The following TBCK variants were observed in gnomAD, a reference collection of about 807,000 sequenced individuals.
TBCK encodes TBC domain-containing protein kinase-like protein.
In TBCK, 99 loss-of-function variants were observed where a neutral mutation model predicts 113.4. That is an observed-to-expected ratio of 0.87 (90% confidence interval 0.74 to 1.03). The LOEUF is 1.03. Among genes scored for constraint, TBCK ranks in the 50% least tolerant of loss-of-function variants. The pLI, the probability that TBCK is intolerant of heterozygous loss-of-function variation, is 0.00. For missense variants in TBCK, 1,045 were observed against 1,061.3 expected (o/e 0.98, Z 0.21); for synonymous variants, 369 against 370.8 (o/e 1.00, Z 0.05).
chr4:106,142,806 A>T, intron 23 of TBCK, among the ~76,000 whole-genome samples: 1 of 152,178 alleles, frequency 6.6e-6, no homozygotes, highest in East Asian at 1.9e-4. Context: ...TATTCTATAG[A>T]CTTTCTGGTG....
intron 23 of TBCK, among the ~76,000 whole-genome samples, chr4:106,124,008 A>T (rs532500375): frequency 6.6e-6 from 1 of 151,436 alleles, no homozygotes; most frequent in Non-Finnish European, 1.5e-5. Context: ...AACGGGATCT[A>T]ATTAAACTAA....
At chr4:106,083,983 A>T (rs903053564) in intron 25 of TBCK, among the ~76,000 whole-genome samples, 5 of 152,258 alleles carry the variant, frequency 3.3e-5, no homozygotes, top group Non-Finnish European at 5.9e-5. Context: ...AAGATGGGAA[A>T]GAATCAACAA....
At chr4:106,252,443 A>C (rs930882563) in intron 5 of TBCK, among the ~76,000 whole-genome samples, 1 of 152,092 alleles carries the variant, frequency 6.6e-6, no homozygotes, top group Non-Finnish European at 1.5e-5. Context: ...TAAAACTCCT[A>C]TCTCTACACC....
At chr4:106,285,351 T>G (rs1391706776) in intron 3 of TBCK, among the ~76,000 whole-genome samples, 1 of 152,140 alleles carries the variant, frequency 6.6e-6, no homozygotes, top group East Asian at 1.9e-4. Context: ...AGAGAACGTT[T>G]GATTTTCTAG....
intron 20 of TBCK, among the ~76,000 whole-genome samples, chr4:106,209,708 T>C (rs1755913877): frequency 6.6e-6 from 1 of 152,104 alleles, no homozygotes; most frequent in African/African-American, 2.4e-5. Flanking sequence ...GATGGGTCTG[T>C]TTTGTGTTCT....
chr4:106,155,442 CCTTTTTATTCAAAGGGGTAATAA>C (rs1749012541), intron 23 of TBCK, among the ~76,000 whole-genome samples: 1 of 152,066 alleles, frequency 6.6e-6, no homozygotes, highest in Non-Finnish European at 1.5e-5. Context: ...TCATTAACAT[CCTTTTTATTCAAAGGGGTAATAA>C]CTTTCTATCC....
At chr4:106,251,408 A>G (rs1761413389) in intron 6 of TBCK, among the ~76,000 whole-genome samples, 1 of 151,952 alleles carries the variant, frequency 6.6e-6, no homozygotes, top group African/African-American at 2.4e-5. Flanking sequence ...TTTTTAATAG[A>G]GAAGAAAAAA....
intron 21 of TBCK, 56 bp from the exon 22 acceptor site, chr4:106,193,826 A>C: frequency 8.5e-7 from 1 of 1,172,036 alleles, no homozygotes; most frequent in South Asian, 1.7e-5. Context: ...AATTAAAACA[A>C]TAACAACTTA....
intron 20 of TBCK, among the ~76,000 whole-genome samples, chr4:106,203,852 G>A (rs1474073003): frequency 6.6e-6 from 1 of 152,056 alleles, no homozygotes; most frequent in Non-Finnish European, 1.5e-5. Flanking sequence ...GCACTTTGTT[G>A]AGATAGAGAA....
chr4:106,203,185 G>A (rs1755076505), intron 20 of TBCK, among the ~76,000 whole-genome samples: 1 of 151,590 alleles, frequency 6.6e-6, no homozygotes, highest in African/African-American at 2.4e-5. Flanking sequence ...AGACATATTT[G>A]AAATACGGAA....
At position 106,045,473 on chromosome 4, in the gene TBCK, T is replaced by G. The variant is rs1296868907; in HGVS notation, c.*1097A>C. Reference sequence around the variant, plus strand: ...TGTACCTCAATATGTACTCTCTTCTTCCCACACAGTAATAAGAATGTTTTT... The same window carrying G: ...TGTACCTCAATATGTACTCTCTTCTGCCCACACAGTAATAAGAATGTTTTT... On this transcript the variant is annotated 3_prime_UTR_variant, in exon 26 of 26. Coordinates refer to ENST00000394708, the MANE Select transcript of TBCK (RefSeq NM_001163435.3). 6.6e-6 allele frequency: 1 copy of G among 152,134 alleles called. No homozygotes were observed. The highest frequency in any genetic ancestry group is 2.4e-5 in the African/African-American group (1 of 41,414). The allele number at this position is 152,134 out of a possible 1,614,324, so 9.4% of individuals were successfully genotyped here.
Position 106,193,752 on chromosome 4 carries a change from T to G in TBCK, c.1916A>C (p.Lys639Thr). The G allele has an allele frequency of 6.3e-7, 1 of 1,580,656 alleles. No individual in the cohort carries two copies. Among genetic ancestry groups the G allele is most frequent in the Non-Finnish European group, 8.6e-7 (1 of 1,168,850 alleles). ...TMFTHVFPLH[K>T]IFHLWDTLLL... Reference sequence around the variant, plus strand: ...TAAGGTATCCCAGAGGTGGAAAATTTTGTGTAGTGGAAATACATCTGTAAA... The same window carrying G: ...TAAGGTATCCCAGAGGTGGAAAATTGTGTGTAGTGGAAATACATCTGTAAA... The change falls in exon 22 of 26, where the codon AAA (lysine) becomes ACA (threonine). Residue 639 changes from lysine (K) to threonine (T), a missense_variant. Physicochemically the swap from Lys to Thr is moderately conservative, Grantham distance 78 (BLOSUM62 -1). Coordinates refer to ENST00000394708, the MANE Select transcript of TBCK (RefSeq NM_001163435.3).
intron 2 of TBCK, among the ~76,000 whole-genome samples, chr4:106,302,348 C>G (rs1276810673): frequency 2.0e-5 from 3 of 152,032 alleles, no homozygotes; most frequent in African/African-American, 7.2e-5. Context: ...AGTTTCTAAG[C>G]GGATCAGTTC....
At chr4:106,077,921 A>C (rs1046592297) in intron 25 of TBCK, among the ~76,000 whole-genome samples, 4 of 152,232 alleles carry the variant, frequency 2.6e-5, no homozygotes, top group African/African-American at 4.8e-5. Context: ...AAGTTTCAAC[A>C]AATTAAAAAA....
intron 24 of TBCK, among the ~76,000 whole-genome samples, chr4:106,115,065 C>T (rs2149566537): frequency 6.6e-6 from 1 of 152,288 alleles, no homozygotes; most frequent in East Asian, 1.9e-4. Context: ...TCCAATTGTA[C>T]TGTCAGAAAC....
chr4:106,194,643 T>C (rs1190361763), intron 21 of TBCK, 75 bp downstream of exon 21: 40 of 1,131,670 alleles, frequency 3.5e-5, no homozygotes, highest in Admixed American at 8.6e-5. Context: ...TTATTGTAAA[T>C]ATAAAATATG....
chr4:106,137,786 AT>A lies in TBCK; in HGVS notation c.2236-21409del, dbSNP rs556896791. ...GAAATATAAAGAAAAGTAGAGACAG[AT>A]TTTTTTTTTCAGTGATTAGAGACTT... On this transcript the variant is annotated intron_variant, in intron 23 of 25. Transcript: ENST00000394708. 5.1e-5 allele frequency among the ~76,000 whole-genome samples: 7 copies of A among 137,768 alleles called. 1 individual carries two copies. The highest frequency in any genetic ancestry group is 6.6e-5 in the Non-Finnish European group (4 of 60,518). 90.4% of individuals were successfully genotyped at this position (137,768 alleles called of 152,430 possible). A position where few individuals can be genotyped will look rare whatever the true frequency, so the allele number is the denominator to read the frequency against.
At chr4:106,105,364 C>T (rs1742028768) in intron 24 of TBCK, among the ~76,000 whole-genome samples, 1 of 152,236 alleles carries the variant, frequency 6.6e-6, no homozygotes, top group Non-Finnish European at 1.5e-5. Flanking sequence ...TTGGCCACAA[C>T]CACTACTAAG....
At chr4:106,185,457 C>T (rs897147271) in intron 22 of TBCK, among the ~76,000 whole-genome samples, 2 of 151,548 alleles carry the variant, frequency 1.3e-5, no homozygotes, top group African/African-American at 4.9e-5. Context: ...TAACTTTATA[C>T]TCACTGAACA....
Sources: allele counts gnomAD v4.1 joint callset (sites outside exome capture counted in the v4.1 genomes callset), GRCh38; gene constraint gnomAD v4.1.1; transcripts MANE v1.5; gene names NCBI Gene and HGNC (gene_info 2026-07-23, HGNC 2026-07-21).